TOR1AIP1: variants seen among roughly 807,000 people sequenced by gnomAD.
TOR1AIP1 encodes the protein torsin-1A-interacting protein 1.
TOR1AIP1 carries 54 observed loss-of-function variants against 63.3 expected under a neutral mutation model. That is an observed-to-expected ratio of 0.85 (90% CI 0.69 to 1.07). The LOEUF (loss-of-function observed/expected upper bound fraction) is 1.07. TOR1AIP1 is among the 50% of genes least tolerant of loss of function. The probability of loss-of-function intolerance (pLI) is 0.00; values close to 1 mark genes in which losing one functional copy is unlikely to be tolerated. For synonymous variants in TOR1AIP1, 294 were observed against 273.5 expected (o/e 1.07, Z -0.74); for missense variants, 736 against 715.0 (o/e 1.03, Z -0.33).
chr1:179,887,628 T>C (rs942140905), intron 2 of TOR1AIP1, among the ~76,000 whole-genome samples: 6 of 152,202 alleles, frequency 3.9e-5, no homozygotes, highest in African/African-American at 1.4e-4. Context: ...TACATAACAG[T>C]TATTCTCCTA....
chr1:179,913,862 C>G, intron 8 of TOR1AIP1, 136 bp from the exon 9 acceptor site: 18 of 790,326 alleles, frequency 2.3e-5, no homozygotes, highest in Non-Finnish European at 3.7e-5. Flanking sequence ...AGATATTCTA[C>G]TTTTTCTTCT....
intron 5 of TOR1AIP1, 40 bp from the exon 6 acceptor site, chr1:179,903,926 G>A (rs1416289024): frequency 5.1e-6 from 7 of 1,382,526 alleles, no homozygotes; most frequent in Non-Finnish European, 7.1e-6. Context: ...CAGTCTAAAA[G>A]TTGGATATTA....
intron 9 of TOR1AIP1, among the ~76,000 whole-genome samples, chr1:179,916,895 G>A (rs1006160088): frequency 9.9e-5 from 15 of 151,388 alleles, no homozygotes; most frequent in African/African-American, 3.6e-4. Flanking sequence ...GTAGAGACGG[G>A]GTTTCACAGT....
intron 3 of TOR1AIP1, among the ~76,000 whole-genome samples, chr1:179,896,794 A>G (rs571898013): frequency 4.6e-5 from 7 of 152,320 alleles, no homozygotes; most frequent in South Asian, 4.1e-4. Context: ...ATTACAGACA[A>G]TACTCTCACA....
chr1:179,913,469 T>C (rs746475674), intron 8 of TOR1AIP1: 16 of 654,482 alleles, frequency 2.4e-5, no homozygotes, highest in Non-Finnish European at 4.4e-5. Flanking sequence ...GAGGAAATAC[T>C]GAATCAGTTT....
intron 3 of TOR1AIP1, among the ~76,000 whole-genome samples, chr1:179,895,759 G>A (rs966011990): frequency 6.6e-6 from 1 of 152,046 alleles, no homozygotes; most frequent in Non-Finnish European, 1.5e-5. Context: ...AATTAGCCGG[G>A]CATGGTGGCA....
intron 9 of TOR1AIP1, among the ~76,000 whole-genome samples, chr1:179,916,363 G>T (rs933676723): frequency 2.0e-5 from 3 of 152,110 alleles, no homozygotes; most frequent in Non-Finnish European, 4.4e-5. Context: ...GGGTCTTGAG[G>T]TACCCCACAG....
intron 3 of TOR1AIP1, among the ~76,000 whole-genome samples, chr1:179,895,064 GTGATCTATCT>G (rs1648220947): frequency 6.6e-6 from 1 of 152,218 alleles, no homozygotes; most frequent in African/African-American, 2.4e-5. Context: ...TGACTGTTAA[GTGATCTATCT>G]TAAACATAAA....
chr1:179,903,532 G>C (rs1648529302), intron 5 of TOR1AIP1, among the ~76,000 whole-genome samples: 1 of 149,170 alleles, frequency 6.7e-6, no homozygotes, highest in Admixed American at 6.7e-5. Context: ...TTTTGAGACA[G>C]AGTCTCACTC....
chr1:179,893,341 C>T (rs894939464), intron 3 of TOR1AIP1, among the ~76,000 whole-genome samples: 4 of 152,232 alleles, frequency 2.6e-5, no homozygotes, highest in Middle Eastern at 6.8e-3. Flanking sequence ...AATGGCCATT[C>T]GTGGAGCTTG....
chr1:179,882,691 G>A lies in TOR1AIP1; in HGVS notation c.189G>A (p.Pro63=). 5 of 1,609,566 alleles carry A rather than the reference G, an allele frequency of 3.1e-6. No individual in the cohort carries two copies. Among genetic ancestry groups the A allele is most frequent in the Non-Finnish European group, 3.4e-6 (4 of 1,177,412 alleles). The stretch of plus-strand genomic sequence containing the variant: ...GGGAAGTGAGGTTCTCGGACGAGCC[G>A]CCAGAAGTGTACGGCGACTTCGAGC... The part of the protein sequence containing the change: ...GRREVRFSDE[P]PEVYGDFEPL... The change falls in exon 1 of 10, where the codon CCG becomes CCA. Residue 63 remains proline (P), a synonymous_variant. Transcript: ENST00000606911.
intron 8 of TOR1AIP1, among the ~76,000 whole-genome samples, chr1:179,912,400 A>G (rs1648871432): frequency 6.6e-6 from 1 of 152,170 alleles, no homozygotes; most frequent in African/African-American, 2.4e-5. Flanking sequence ...TAGCAGTTAT[A>G]CTTTGGACAA....
At chr1:179,887,190 G>T in intron 2 of TOR1AIP1, among the ~76,000 whole-genome samples, 1 of 152,054 alleles carries the variant, frequency 6.6e-6, no homozygotes, top group Non-Finnish European at 1.5e-5. Context: ...ACGAGGTCAG[G>T]AGTTCGAGAC....
rs1649075204 is a variant in TOR1AIP1 at position 179,917,949 on chromosome 1, T to C, written c.1462T>C (p.Ser488Pro). The C allele has an allele frequency of 6.2e-7, 1 of 1,614,128 alleles. No individual in the cohort carries two copies. The highest frequency in any genetic ancestry group is 8.5e-7 in the Non-Finnish European group (1 of 1,180,048). Reference sequence around the variant, plus strand: ...CCGCTTTGAGTCATTTCCCGCAGGCTCTACTTTGATCTTCTACAAATATTG... The same window carrying C: ...CCGCTTTGAGTCATTTCCCGCAGGCCCTACTTTGATCTTCTACAAATATTG... ...VHRFESFPAG[S>P]TLIFYKYCDH... The change falls in exon 10 of 10, where the codon TCT becomes CCT. Residue 488 changes from serine to proline, a missense_variant. Ser to Pro is a moderately conservative substitution (Grantham distance 74, BLOSUM62 -1). Transcript: ENST00000606911.
chr1:179,910,418 T>C (rs1571736617), intron 8 of TOR1AIP1, among the ~76,000 whole-genome samples: 1 of 151,936 alleles, frequency 6.6e-6, no homozygotes, highest in East Asian at 1.9e-4. Flanking sequence ...AAAGTAGGAG[T>C]GGTCATAATT....
chr1:179,902,451 G>C (rs1027933449), intron 5 of TOR1AIP1, among the ~76,000 whole-genome samples: 2 of 150,582 alleles, frequency 1.3e-5, no homozygotes, highest in African/African-American at 4.9e-5. Context: ...GCAGTGATGC[G>C]ATCATGGCTC....
chr1:179,899,056 C>T (rs1648369273), intron 3 of TOR1AIP1, among the ~76,000 whole-genome samples: 1 of 152,128 alleles, frequency 6.6e-6, no homozygotes, highest in African/African-American at 2.4e-5. Flanking sequence ...TTTTCAAATT[C>T]ACCGTATAAT....
intron 6 of TOR1AIP1, among the ~76,000 whole-genome samples, chr1:179,905,876 C>A (rs1269856368): frequency 6.6e-6 from 1 of 152,052 alleles, no homozygotes; most frequent in East Asian, 1.9e-4. Flanking sequence ...TCGCTTGAAC[C>A]CAACAGGCAA....
At chr1:179,906,067 A>T (rs1193700417) in intron 6 of TOR1AIP1, among the ~76,000 whole-genome samples, 1 of 152,264 alleles carries the variant, frequency 6.6e-6, no homozygotes, top group Non-Finnish European at 1.5e-5. Context: ...TTTATGTATC[A>T]ATGAGAAAGA....
Sources: gnomAD v4.1 joint callset for allele counts (sites outside exome capture counted in the v4.1 genomes callset) on GRCh38, gnomAD v4.1.1 for gene constraint, MANE v1.5 for transcripts, NCBI Gene and HGNC (gene_info 2026-07-23, HGNC 2026-07-21) for gene names.